Variants in ASB5 observed in about 807,000 individuals in gnomAD.
The protein encoded by ASB5 is ankyrin repeat and SOCS box protein 5.
ASB5 carries 45 observed loss-of-function variants against 42.1 expected under a neutral mutation model. That is an observed-to-expected ratio of 1.07 (90% CI 0.84 to 1.37). ASB5 has a LOEUF of 1.37. Among genes scored for constraint, ASB5 ranks in the 40% most tolerant of loss-of-function variants. The pLI is 0.00. For synonymous variants in ASB5, 147 were observed against 150.6 expected (o/e 0.98, Z 0.18); for missense variants, 402 against 399.8 (o/e 1.01, Z -0.05).
At chr4:176,229,452 A>G (rs1382233452) in intron 1 of ASB5, among the ~76,000 whole-genome samples, 1 of 152,210 alleles carries the variant, frequency 6.6e-6, no homozygotes, top group Non-Finnish European at 1.5e-5. Context: ...GTTCATCAAA[A>G]TGATTGTATT....
intron 1 of ASB5, chr4:176,237,678 A>C (rs561815280): frequency 4.1e-5 from 29 of 704,642 alleles, no homozygotes; most frequent in Non-Finnish European, 4.9e-5. Flanking sequence ...GACATGCTGC[A>C]GCCGGAAGTC....
chr4:176,238,345 G>T (rs1753737889), intron 1 of ASB5, among the ~76,000 whole-genome samples: 1 of 151,868 alleles, frequency 6.6e-6, no homozygotes, highest in African/African-American at 2.4e-5. Context: ...GCTCACTATT[G>T]TGATTTTTCT....
intron 5 of ASB5, among the ~76,000 whole-genome samples, chr4:176,218,134 TATTTGTATGATATATAAATATATAC>T (rs1285187066): frequency 0.02 from 2,392 of 122,270 alleles, 603 homozygotes; most frequent in Non-Finnish European, 0.028. Flanking sequence ...TATATATATA[TATTTGTATGATATATAAATATATAC>T]ATTTGTATGA....
intron 1 of ASB5, among the ~76,000 whole-genome samples, chr4:176,268,657 ATATATATATTCC>A (rs1033819615): frequency 6.6e-6 from 1 of 152,066 alleles, no homozygotes; most frequent in African/African-American, 2.4e-5. Context: ...TTTCTATTAC[ATATATATATTCC>A]TATTATATAT....
At chr4:176,270,172 C>CA (rs1169130636), upstream of ASB5, among the ~76,000 whole-genome samples, 2 of 151,922 alleles carry the variant, frequency 1.3e-5, no homozygotes, top group African/African-American at 4.8e-5. Context: ...AATGATATGC[C>CA]AAAATACAAA....
intron 1 of ASB5, among the ~76,000 whole-genome samples, chr4:176,247,023 A>T (rs1338365581): frequency 1.3e-5 from 2 of 152,202 alleles, no homozygotes; most frequent in Non-Finnish European, 2.9e-5. Flanking sequence ...AATATACAAA[A>T]ATTAATGTAT....
At chr4:176,235,728 C>T in intron 1 of ASB5, among the ~76,000 whole-genome samples, 1 of 151,978 alleles carries the variant, frequency 6.6e-6, no homozygotes, top group Non-Finnish European at 1.5e-5. Flanking sequence ...ATCCTATTTA[C>T]ATTCTCATTA....
upstream of ASB5, among the ~76,000 whole-genome samples, chr4:176,272,522 C>G (rs1460461771): frequency 1.3e-5 from 2 of 152,068 alleles, no homozygotes; most frequent in Non-Finnish European, 2.9e-5. Flanking sequence ...CTGCTGTCAC[C>G]TTTTTAGGAA....
In ASB5 at chr4:176,222,337, T is replaced by A; in HGVS notation, c.360A>T (p.Arg120Ser). 6.2e-7 allele frequency: 1 copy of A among 1,613,172 alleles called. No homozygotes were observed. Among genetic ancestry groups the A allele is most frequent in the Non-Finnish European group, 8.5e-7 (1 of 1,179,278 alleles). ...CATTAGCTCCTGCTTCCAGCAGAGT[T>A]CTGGCACATGCCACGTGATCTCCAA... ...ACLGDHVACA[R>S]TLLEAGANVN... The change falls in exon 3 of 7, where the codon AGA becomes AGT. Residue 120 changes from arginine to serine, a missense_variant. Coordinates refer to ENST00000296525, the MANE Select transcript of ASB5 (RefSeq NM_080874.4).
At chr4:176,271,104 A>C (rs1048615728), upstream of ASB5, among the ~76,000 whole-genome samples, 8 of 152,180 alleles carry the variant, frequency 5.3e-5, no homozygotes, top group African/African-American at 1.9e-4. Context: ...TTACTAATAC[A>C]AAAAACTACA....
chr4:176,277,198 C>T (rs1047952272), intron 1 of ASB5: 4 of 152,170 alleles, frequency 2.6e-5, no homozygotes, highest in Admixed American at 6.5e-5. Flanking sequence ...AACAAACCTG[C>T]CCCAGAGTAA....
At chr4:176,246,343 A>G (rs1258010300) in intron 1 of ASB5, among the ~76,000 whole-genome samples, 3 of 152,236 alleles carry the variant, frequency 2.0e-5, no homozygotes, top group Non-Finnish European at 4.4e-5. Flanking sequence ...TTAAAATCTT[A>G]TCTTAAGAAA....
chr4:176,217,584 C>A (rs576450625), intron 5 of ASB5, among the ~76,000 whole-genome samples: 1 of 152,034 alleles, frequency 6.6e-6, no homozygotes, highest in Non-Finnish European at 1.5e-5. Context: ...AGATATTGAG[C>A]CTTTTAAATC....
At chr4:176,236,222 G>A (rs186825960) in intron 1 of ASB5, among the ~76,000 whole-genome samples, 22 of 151,798 alleles carry the variant, frequency 1.4e-4, no homozygotes, top group African/African-American at 4.8e-4. Flanking sequence ...GCTAATGCCT[G>A]CGGTTTAGTG....
intron 1 of ASB5, among the ~76,000 whole-genome samples, chr4:176,264,334 C>G (rs1462999449): frequency 1.3e-5 from 2 of 152,122 alleles, no homozygotes; most frequent in Non-Finnish European, 2.9e-5. Flanking sequence ...AGTGGACTTA[C>G]AACTCAATGA....
intron 1 of ASB5, among the ~76,000 whole-genome samples, chr4:176,226,957 T>G (rs1477334764): frequency 6.6e-6 from 1 of 152,246 alleles, no homozygotes; most frequent in Non-Finnish European, 1.5e-5. Context: ...TGCTTAAGCA[T>G]TCTATTGCCT....
Position 176,215,656 on chromosome 4 carries a change from G to A in ASB5, c.934C>T (p.Leu312Phe), listed in dbSNP as rs1315643862. Residue 312 changes from leucine to phenylalanine, a missense_variant, in exon 7 of 7, where the codon CTT (leucine) becomes TTT (phenylalanine). Transcript: ENST00000296525. ...RSYIGKPRLH[L>F]IPQLQLPTLL... ...GTTGGCAGCTGGAGTTGTGGGATAA[G>A]GTGCAATCTTGGTTTTCCTATGTAG... 2 of 1,613,322 alleles carry A rather than the reference G, an allele frequency of 1.2e-6. No individual in the cohort carries two copies. The highest frequency in any genetic ancestry group is 1.7e-5 in the Admixed American group (1 of 59,934).
At chr4:176,233,223 T>G (rs1753595861) in intron 1 of ASB5, among the ~76,000 whole-genome samples, 1 of 152,224 alleles carries the variant, frequency 6.6e-6, no homozygotes, top group Admixed American at 6.5e-5. Context: ...AAGGATAACT[T>G]ATTTAAGATA....
At chr4:176,233,015 A>G (rs1196721170) in intron 1 of ASB5, among the ~76,000 whole-genome samples, 2 of 152,204 alleles carry the variant, frequency 1.3e-5, no homozygotes, top group African/African-American at 4.8e-5. Context: ...TTGGCAGTTA[A>G]CATCTTGAAA....
Sources: gnomAD v4.1 joint callset for allele counts (sites outside exome capture counted in the v4.1 genomes callset) on GRCh38, gnomAD v4.1.1 for gene constraint, MANE v1.5 for transcripts, NCBI Gene and HGNC (gene_info 2026-07-23, HGNC 2026-07-21) for gene names.